XPO6: variants seen among roughly 807,000 people sequenced by gnomAD.
XPO6 encodes the protein exportin-6.
Under a neutral mutation model 130.0 loss-of-function variants are expected in XPO6, and 3 were observed. The observed-to-expected ratio is 0.02, with a 90% CI of 0.01 to 0.06. The LOEUF (loss-of-function observed/expected upper bound fraction) is 0.06, where lower values mean the gene tolerates loss of function less well. Among genes scored for constraint, XPO6 ranks in the 10% least tolerant of loss-of-function variants. The probability of loss-of-function intolerance (pLI) is 1.00; values close to 1 mark genes in which losing one functional copy is unlikely to be tolerated. For missense variants in XPO6, 970 were observed against 1,393.0 expected (o/e 0.70, Z 4.83); for synonymous variants, 524 against 548.9 (o/e 0.95, Z 0.63).
chr16:28,112,310 C>T (rs182027245), intron 16 of XPO6, among the ~76,000 whole-genome samples: 11 of 152,308 alleles, frequency 7.2e-5, no homozygotes, highest in African/African-American at 2.6e-4. Flanking sequence ...GAATCTCAGG[C>T]ATTGTTCAGC....
intron 1 of XPO6, among the ~76,000 whole-genome samples, chr16:28,201,421 C>G (rs1251497625): frequency 1.3e-5 from 2 of 152,166 alleles, no homozygotes; most frequent in African/African-American, 4.8e-5. Context: ...GAGTAAGACG[C>G]ACTCTGCTAT....
intron 9 of XPO6, among the ~76,000 whole-genome samples, chr16:28,145,547 C>T (rs972604857): frequency 2.6e-5 from 4 of 152,160 alleles, no homozygotes; most frequent in Non-Finnish European, 4.4e-5. Flanking sequence ...GTTTATCTTC[C>T]TTACATTTTC....
chr16:28,152,948 T>G (rs2043120913), intron 7 of XPO6, 163 bp from the exon 8 acceptor site: 2 of 1,326,750 alleles, frequency 1.5e-6, no homozygotes, highest in Admixed American at 7.9e-5. Context: ...CAGGCAACCC[T>G]TCATTCCATT....
chr16:28,166,100 C>T (rs1050759884), intron 6 of XPO6, among the ~76,000 whole-genome samples: 27 of 152,156 alleles, frequency 1.8e-4, no homozygotes, highest in Admixed American at 6.5e-5. Context: ...GCAGAGAGGT[C>T]TCCACTCTGC....
At chr16:28,195,919 G>C (rs532990341) in intron 1 of XPO6, among the ~76,000 whole-genome samples, 1 of 152,202 alleles carries the variant, frequency 6.6e-6, no homozygotes, top group East Asian at 1.9e-4. Flanking sequence ...CATTCTTTAG[G>C]CTGGTTATTT....
chr16:28,133,511 T>C (rs1030629928), intron 11 of XPO6, among the ~76,000 whole-genome samples: 5 of 152,144 alleles, frequency 3.3e-5, no homozygotes, highest in Admixed American at 3.3e-4. Flanking sequence ...AGAGCGAGCT[T>C]TACAAAGGCC....
intron 8 of XPO6, 71 bp downstream of exon 8, chr16:28,152,588 G>C (rs2141819226): frequency 6.5e-7 from 1 of 1,534,156 alleles, no homozygotes; most frequent in Non-Finnish European, 8.8e-7. Flanking sequence ...GAAAGAAAAA[G>C]TTCTTTCTTC....
chr16:28,195,457 T>C (rs151177040), intron 1 of XPO6, among the ~76,000 whole-genome samples: 81 of 152,252 alleles, frequency 5.3e-4, no homozygotes, highest in African/African-American at 1.9e-3. Context: ...CACCCAAGGA[T>C]CCCAGTCAAA....
At chr16:28,112,707 A>G (rs148984051) in intron 16 of XPO6, among the ~76,000 whole-genome samples, 197 bp downstream of exon 16, 49 of 152,392 alleles carry the variant, frequency 3.2e-4, no homozygotes, top group African/African-American at 1.1e-3. Flanking sequence ...CTCAATCAGC[A>G]CACTGACTGC....
chr16:28,135,394 A>G lies in XPO6; in HGVS notation c.1335-70T>C, dbSNP rs534818381. 6.3e-4 allele frequency: 771 copies of G among 1,228,428 alleles called. 8 individuals carry two copies. In the South Asian group the frequency reaches 9.4e-3, roughly 15 times the overall value. The allele number at this position is 1,228,428 out of a possible 1,614,324, so 76.1% of individuals were successfully genotyped here. A position where few individuals can be genotyped will look rare whatever the true frequency, so the allele number is the denominator to read the frequency against. ...TTAGAATTTGGAAAATGCCTCCTGC[A>G]CTATAAAAGAAATGGTGTCTATGTT... On this transcript the variant is annotated intron_variant, in intron 9 of 23. Coordinates refer to ENST00000304658, the MANE Select transcript of XPO6 (RefSeq NM_015171.4).
chr16:28,144,638 C>T (rs990124653), intron 9 of XPO6, among the ~76,000 whole-genome samples: 2 of 152,194 alleles, frequency 1.3e-5, no homozygotes, highest in African/African-American at 2.4e-5. Flanking sequence ...GAGTTCCAGC[C>T]CAACCTTTTC....
rs1017000774 is a variant in XPO6, at chr16:28,135,476, G to A, written c.1335-152C>T. 2.5e-5 allele frequency: 15 copies of A among 604,126 alleles called. No homozygotes were observed. The Admixed American group carries it at 2.8e-4, about 11-fold the overall frequency. 37.4% of individuals were successfully genotyped at this position (604,126 alleles called of 1,614,324 possible). ...TGAGGCTGAGTTTATGGGTTGGTAC[G>A]TGTGTGCGCCCATGGAAGAGAAGCA... On this transcript the variant is annotated intron_variant, in intron 9 of 23. Coordinates refer to ENST00000304658, the MANE Select transcript of XPO6 (RefSeq NM_015171.4).
rs140283598 is a variant in XPO6, at chr16:28,201,579, G to A, written c.3+9787C>T. On this transcript the variant is annotated intron_variant, in intron 1 of 23. Transcript: ENST00000304658. ...TCACTGTAAGAATGTAGTCTTGGCCGGGCGTGGTGGCTCATGCCTGTAATC... is the reference window on the plus strand; with the variant it reads ...TCACTGTAAGAATGTAGTCTTGGCCAGGCGTGGTGGCTCATGCCTGTAATC... Among the ~76,000 whole-genome samples the A allele has an allele frequency of 4.5e-3, 684 of 152,268 alleles. 5 individuals carry two copies. The highest frequency in any genetic ancestry group is 0.016 in the African/African-American group (660 of 41,570).
At chr16:28,130,482 C>A (rs1228183327) in intron 12 of XPO6, among the ~76,000 whole-genome samples, 3 of 152,192 alleles carry the variant, frequency 2.0e-5, no homozygotes, top group African/African-American at 7.2e-5. Flanking sequence ...AAAAAATGTA[C>A]TCAGAGTTTC....
Position 28,211,426 on chromosome 16 carries a change from G to A in XPO6, c.-58C>T. 2 of 1,309,654 alleles carry A rather than the reference G, an allele frequency of 1.5e-6. No individual in the cohort carries two copies. The highest frequency in any genetic ancestry group is 2.0e-6 in the Non-Finnish European group (2 of 1,020,434). The allele number at this position is 1,309,654 out of a possible 1,614,324, so 81.1% of individuals were successfully genotyped here. A position where few individuals can be genotyped will look rare whatever the true frequency, so the allele number is the denominator to read the frequency against. On this transcript the variant is annotated 5_prime_UTR_variant, in exon 1 of 24. Coordinates refer to ENST00000304658, the MANE Select transcript of XPO6 (RefSeq NM_015171.4). The stretch of plus-strand genomic sequence containing the variant: ...GGTTCTTGGGCTTCGGACACGTCCC[G>A]CTCGCACAGTTCAGGTCATGGTCCC...
chr16:28,168,652 A>C (rs2043397598), intron 5 of XPO6, among the ~76,000 whole-genome samples: 1 of 149,422 alleles, frequency 6.7e-6, no homozygotes, highest in Admixed American at 6.7e-5. Flanking sequence ...CCCAGGCTGG[A>C]GTGCAGTGGT....
chr16:28,171,508 C>G (rs1196333215), intron 4 of XPO6, among the ~76,000 whole-genome samples: 2 of 151,292 alleles, frequency 1.3e-5, no homozygotes, highest in East Asian at 3.9e-4. Context: ...ATTCCTTTCC[C>G]TTAGAAATAA....
chr16:28,121,870 T>C lies in XPO6; in HGVS notation c.1767-108A>G, dbSNP rs2087250734. On this transcript the variant is annotated intron_variant, in intron 13 of 23. Transcript: ENST00000304658. ...GAGCGTAAGGGCAGACTTTTTCATA[T>C]ACAAAAAAGAATCAAGACCAGACTT... is the stretch of plus-strand genomic sequence containing the variant. 4 of 683,850 alleles carry C rather than the reference T, an allele frequency of 5.8e-6. No individual in the cohort carries two copies. In the Admixed American group the frequency reaches 7.3e-5, roughly 13 times the overall value. 42.4% of individuals were successfully genotyped at this position (683,850 alleles called of 1,614,324 possible).
intron 1 of XPO6, among the ~76,000 whole-genome samples, chr16:28,204,601 A>G (rs1239710405): frequency 6.6e-6 from 1 of 152,144 alleles, no homozygotes; most frequent in African/African-American, 2.4e-5. Context: ...AGACAGCTGG[A>G]GACTCGAGAA....
Sources: gnomAD v4.1 joint callset for allele counts (sites outside exome capture counted in the v4.1 genomes callset) on GRCh38, gnomAD v4.1.1 for gene constraint, MANE v1.5 for transcripts, NCBI Gene and HGNC (gene_info 2026-07-23, HGNC 2026-07-21) for gene names.